The following IQGAP2 variants were observed in gnomAD, a reference collection of about 807,000 sequenced individuals.
IQGAP2 encodes IQ motif containing GTPase activating protein 2.
A neutral mutation model predicts 201.3 loss-of-function variants in IQGAP2; 173 were observed. The ratio of observed to expected loss-of-function variants is 0.86; its 90% CI spans 0.76 to 0.98. IQGAP2 has a LOEUF of 0.98. Ranked by LOEUF, IQGAP2 falls within the 50% of genes least tolerant of loss-of-function variation. IQGAP2 has a pLI of 0.00. For synonymous variants in IQGAP2, 675 were observed against 673.9 expected (o/e 1.00, Z -0.03); for missense variants, 1,687 against 1,864.8 (o/e 0.90, Z 1.76).
At chr5:76,437,642 CTG>C (rs1438473266) in intron 1 of IQGAP2, among the ~76,000 whole-genome samples, 1 of 152,084 alleles carries the variant, frequency 6.6e-6, no homozygotes, top group Non-Finnish European at 1.5e-5. Flanking sequence ...TTTTTTGTTC[CTG>C]TGTTAGTTTG....
chr5:76,535,141 G>A (rs1759543451), intron 2 of IQGAP2, among the ~76,000 whole-genome samples: 2 of 152,142 alleles, frequency 1.3e-5, no homozygotes, highest in African/African-American at 2.4e-5. Context: ...TGATGCTGAG[G>A]GCAGTAGATG....
intron 1 of IQGAP2, among the ~76,000 whole-genome samples, chr5:76,415,992 A>G (rs1419817482): frequency 6.6e-6 from 1 of 151,962 alleles, no homozygotes; most frequent in Non-Finnish European, 1.5e-5. Flanking sequence ...GCAGATCTGT[A>G]AAAGGTAGTA....
At chr5:76,583,275 G>A (rs149080418) in intron 5 of IQGAP2, among the ~76,000 whole-genome samples, 195 of 152,212 alleles carry the variant, frequency 1.3e-3, no homozygotes, top group African/African-American at 4.4e-3. Context: ...TGCTATTGCT[G>A]TTTCTTTTCA....
At chr5:76,504,150 T>A (rs1003107165) in intron 2 of IQGAP2, among the ~76,000 whole-genome samples, 21 of 152,168 alleles carry the variant, frequency 1.4e-4, no homozygotes, top group African/African-American at 4.6e-4. Flanking sequence ...CTCCAAACAG[T>A]AATAGGGTAA....
intron 2 of IQGAP2, among the ~76,000 whole-genome samples, chr5:76,508,203 A>AC (rs1757729538): frequency 2.0e-5 from 3 of 150,632 alleles, no homozygotes; most frequent in African/African-American, 7.3e-5. Flanking sequence ...GCATGGTGGC[A>AC]CATGACTATA....
At chr5:76,490,493 C>G (rs1488512849) in intron 2 of IQGAP2, among the ~76,000 whole-genome samples, 1 of 152,092 alleles carries the variant, frequency 6.6e-6, no homozygotes, top group Non-Finnish European at 1.5e-5. Flanking sequence ...AAATTAATGT[C>G]CTTTGTTTGG....
intron 30 of IQGAP2, among the ~76,000 whole-genome samples, chr5:76,688,282 G>C (rs1745962783): frequency 6.6e-6 from 1 of 152,144 alleles, no homozygotes. Context: ...GAAACAGATT[G>C]TGTTCTTAAC....
chr5:76,416,794 G>A (rs1197214033), intron 1 of IQGAP2, among the ~76,000 whole-genome samples: 1 of 151,902 alleles, frequency 6.6e-6, no homozygotes, highest in Non-Finnish European at 1.5e-5. Flanking sequence ...CCAAAGTCCT[G>A]GGATTACAGG....
At chr5:76,676,090 C>T (rs987095065) in intron 27 of IQGAP2, among the ~76,000 whole-genome samples, 1 of 143,842 alleles carries the variant, frequency 7.0e-6, no homozygotes, top group Non-Finnish European at 1.5e-5. Flanking sequence ...CACACACACA[C>T]ACACACACAC....
chr5:76,672,022 T>A (rs781310167), intron 24 of IQGAP2, 39 bp downstream of exon 24: 1 of 1,458,494 alleles, frequency 6.9e-7, no homozygotes. Flanking sequence ...CTGTTATGTT[T>A]TATGATATTT....
intron 2 of IQGAP2, among the ~76,000 whole-genome samples, chr5:76,468,286 G>A (rs1754897477): frequency 6.6e-6 from 1 of 152,072 alleles, no homozygotes; most frequent in African/African-American, 2.4e-5. Flanking sequence ...GATATTTATT[G>A]AGCATCCTTT....
chr5:76,478,452 A>G (rs987629102), intron 2 of IQGAP2, among the ~76,000 whole-genome samples: 2 of 152,218 alleles, frequency 1.3e-5, no homozygotes, highest in African/African-American at 2.4e-5. Context: ...TAAAGTCTAC[A>G]GTAGTGTACG....
rs368187012 is a variant in IQGAP2, at chr5:76,635,052, CAAGT to C, written c.1781-1979_1781-1976del. 2.4e-3 allele frequency among the ~76,000 whole-genome samples: 358 copies of C among 152,308 alleles called. 2 individuals are homozygous for C. Among genetic ancestry groups the C allele is most frequent in the African/African-American group, 8.2e-3 (341 of 41,572 alleles). On this transcript the variant is annotated intron_variant, in intron 15 of 35. Transcript: ENST00000274364. ...CCTATTACCTACTGACATCCTAACC[CAAGT>C]AAAGCCTTCTAATGCCATTCAGATC...
chr5:76,699,481 C>A lies in IQGAP2; in HGVS notation c.4367+1334C>A, dbSNP rs1040594098. The A allele has an allele frequency of 2.0e-5, 3 of 152,186 alleles. 1 individual carries two copies. Among genetic ancestry groups the A allele is most frequent in the Admixed American group, 6.5e-5 (1 of 15,282 alleles). The allele number at this position is 152,186 out of a possible 1,614,324, so 9.4% of individuals were successfully genotyped here. On this transcript the variant is annotated intron_variant, in intron 33 of 35. Transcript: ENST00000274364. ...CTGATTTCACATCTTGGAGTAAACACCCAGAAGTTGGATTGCTGAAATCAC... is the reference window on the plus strand; with the variant it reads ...CTGATTTCACATCTTGGAGTAAACAACCAGAAGTTGGATTGCTGAAATCAC...
chr5:76,690,521 C>T (rs546602197), intron 30 of IQGAP2, among the ~76,000 whole-genome samples: 1 of 152,300 alleles, frequency 6.6e-6, no homozygotes, highest in South Asian at 2.1e-4. Flanking sequence ...GGTTTCATGA[C>T]TGGGTGGCCC....
In IQGAP2 at chr5:76,677,265, T is replaced by C. The variant is rs776544038; in HGVS notation, c.3575T>C (p.Phe1192Ser). Residue 1192 changes from phenylalanine to serine, a missense_variant, in exon 28 of 36, where the codon TTT (phenylalanine) becomes TCT (serine). Phe to Ser is a radical substitution (Grantham distance 155, BLOSUM62 -2). Transcript: ENST00000274364. ...ACNVPEPEEK[F>S]NMDKYTDLVT... ...AATGTCCCTGAGCCAGAAGAGAAGT[T>C]TAATATGGACAAATACACAGACCTG... The C allele has an allele frequency of 2.5e-6, 4 of 1,613,556 alleles. No individual in the cohort carries two copies. Among genetic ancestry groups the C allele is most frequent in the Non-Finnish European group, 3.4e-6 (4 of 1,179,602 alleles).
chr5:76,448,451 C>G (rs1753537739), intron 1 of IQGAP2, among the ~76,000 whole-genome samples: 1 of 152,188 alleles, frequency 6.6e-6, no homozygotes, highest in Non-Finnish European at 1.5e-5. Context: ...TTAGATAACT[C>G]TAACTCCTCC....
At chr5:76,522,410 A>G (rs549241736) in intron 2 of IQGAP2, among the ~76,000 whole-genome samples, 3 of 152,110 alleles carry the variant, frequency 2.0e-5, no homozygotes, top group Admixed American at 1.3e-4. Context: ...CTTGAACTCC[A>G]GACCTCAAGT....
At chr5:76,517,767 C>T (rs1033951896) in intron 2 of IQGAP2, among the ~76,000 whole-genome samples, 3 of 152,038 alleles carry the variant, frequency 2.0e-5, no homozygotes, top group African/African-American at 7.2e-5. Context: ...TGTTGAATTA[C>T]ATCCTTACCT....
Sources: gnomAD v4.1 joint callset for allele counts (sites outside exome capture counted in the v4.1 genomes callset) on GRCh38, gnomAD v4.1.1 for gene constraint, MANE v1.5 for transcripts, NCBI Gene and HGNC (gene_info 2026-07-23, HGNC 2026-07-21) for gene names.